UBR3: variants seen among roughly 807,000 people sequenced by gnomAD.
The protein encoded by UBR3 is ubiquitin protein ligase E3 component n-recognin 3.
Under a neutral mutation model 243.2 loss-of-function variants are expected in UBR3, and 85 were observed. The observed-to-expected ratio is 0.35, with a 90% CI of 0.29 to 0.42. UBR3 has a LOEUF of 0.42. UBR3 is among the 10% of genes least tolerant of loss of function. UBR3 has a pLI of 1.00. For synonymous variants in UBR3, 748 were observed against 799.8 expected, an observed-to-expected ratio of 0.94 and a Z score of 1.09; for missense variants, 1,686 against 2,300.8, an observed-to-expected ratio of 0.73 and a Z score of 5.47.
In UBR3 at chr2:170,083,013, A is replaced by C. The variant is rs952726536; in HGVS notation, c.*1170A>C. 1 of 152,642 alleles carries C rather than the reference A, an allele frequency of 6.6e-6. No individual in the cohort carries two copies. The highest frequency in any genetic ancestry group is 1.5e-5 in the Non-Finnish European group (1 of 68,018). The allele number at this position is 152,642 out of a possible 1,614,324, so 9.5% of individuals were successfully genotyped here. On this transcript the variant is annotated 3_prime_UTR_variant, in exon 39 of 39. Coordinates refer to ENST00000272793, the MANE Select transcript of UBR3 (RefSeq NM_172070.4). The stretch of plus-strand genomic sequence containing the variant: ...ATGAGAAGGAAGATTACTGAAAAGC[A>C]TGTGACATATTGCTACAAAGATTTT...
At chr2:169,892,071 G>T (rs146167462) in intron 6 of UBR3, among the ~76,000 whole-genome samples, 2 of 152,284 alleles carry the variant, frequency 1.3e-5, no homozygotes, top group African/African-American at 4.8e-5. Flanking sequence ...ATCTAGGACT[G>T]CCTAGAAAGG....
At chr2:170,031,151 C>T (rs1326395859) in intron 31 of UBR3, among the ~76,000 whole-genome samples, 2 of 152,032 alleles carry the variant, frequency 1.3e-5, no homozygotes, top group Non-Finnish European at 2.9e-5. Flanking sequence ...CTGTTTTGCC[C>T]AGGCTGGACT....
chr2:169,844,650 C>G (rs2082408403), intron 1 of UBR3, among the ~76,000 whole-genome samples: 1 of 151,920 alleles, frequency 6.6e-6, no homozygotes, highest in Non-Finnish European at 1.5e-5. Flanking sequence ...TGCACCACTG[C>G]GCCTAGCTAA....
At chr2:169,995,008 G>A (rs747356559) in intron 26 of UBR3, among the ~76,000 whole-genome samples, 4 of 152,128 alleles carry the variant, frequency 2.6e-5, no homozygotes, top group South Asian at 2.1e-4. Context: ...TCTGAGCTGC[G>A]GGATAGGCTC....
intron 18 of UBR3, among the ~76,000 whole-genome samples, chr2:169,929,690 C>A (rs1022169338): frequency 6.6e-6 from 1 of 152,100 alleles, no homozygotes; most frequent in Non-Finnish European, 1.5e-5. Context: ...AGGTTTCTCC[C>A]GCATAGATTC....
chr2:169,861,036 A>G (rs939233719), intron 1 of UBR3, among the ~76,000 whole-genome samples: 1 of 152,204 alleles, frequency 6.6e-6, no homozygotes, highest in Non-Finnish European at 1.5e-5. Context: ...CACGGGAGAA[A>G]GATGAAGTCT....
At chr2:169,895,043 TG>T in intron 6 of UBR3, 137 bp from the exon 7 acceptor site, 1 of 768,066 alleles carries the variant, frequency 1.3e-6, no homozygotes, top group Non-Finnish European at 1.9e-6. Context: ...AAATCTAGCT[TG>T]TCAATATTAT....
chr2:170,012,857 T>C (rs1206724772), intron 29 of UBR3, among the ~76,000 whole-genome samples: 1 of 152,066 alleles, frequency 6.6e-6, no homozygotes, highest in Non-Finnish European at 1.5e-5. Flanking sequence ...TAGTCTAAAA[T>C]AGAAGTTAGT....
intron 8 of UBR3, among the ~76,000 whole-genome samples, chr2:169,898,158 T>C (rs2084662144): frequency 6.6e-6 from 1 of 152,178 alleles, no homozygotes; most frequent in Admixed American, 6.5e-5. Context: ...ATTAATTAAA[T>C]CTTAGGACCT....
chr2:169,955,867 T>A (rs899331565), intron 23 of UBR3, among the ~76,000 whole-genome samples: 15 of 148,276 alleles, frequency 1.0e-4, no homozygotes, highest in Admixed American at 6.7e-5. Context: ...GGAGTCCTGG[T>A]TGCTTTTAGG....
chr2:170,005,756 G>C (rs1286521514), intron 27 of UBR3, among the ~76,000 whole-genome samples: 1 of 152,098 alleles, frequency 6.6e-6, no homozygotes, highest in East Asian at 1.9e-4. Context: ...GTATAAGATT[G>C]GTTGTATACA....
At chr2:169,869,234 T>G (rs1272180926) in intron 1 of UBR3, among the ~76,000 whole-genome samples, 1 of 144,042 alleles carries the variant, frequency 6.9e-6, no homozygotes, top group Non-Finnish European at 1.5e-5. Context: ...TTTTTTTTTT[T>G]TTTTTGAGAT....
intron 28 of UBR3, 22 bp from the exon 29 acceptor site, chr2:170,008,776 TTATATG>T (rs772601876): frequency 3.3e-5 from 35 of 1,071,112 alleles, no homozygotes; most frequent in South Asian, 2.9e-4. Flanking sequence ...AATATAAACT[TTATATG>T]TATGTTTGCA....
chr2:169,967,257 C>T (rs1339241372), intron 24 of UBR3, among the ~76,000 whole-genome samples: 3 of 66,376 alleles, frequency 4.5e-5, no homozygotes, highest in Admixed American at 3.2e-4. Context: ...ACAGGGTATG[C>T]GCCCCCCGCC....
chr2:170,032,162 A>T (rs1300712629), intron 31 of UBR3, among the ~76,000 whole-genome samples: 1 of 152,204 alleles, frequency 6.6e-6, no homozygotes, highest in Admixed American at 6.5e-5. Context: ...CAACACCCAG[A>T]GACAATGTCA....
rs1217216918 is a variant in UBR3 at position 170,040,895 on chromosome 2, GAAC to G, written c.4575_4577del (p.Gln1526del). ...TTTTTCTTTTAGGCTGGGATATGAAGAACAACAGCCTGAGGTTCCAATTCTTTA... is the reference window on the plus strand; with the variant it reads ...TTTTTCTTTTAGGCTGGGATATGAAGAACAGCCTGAGGTTCCAATTCTTTA... On this transcript the variant is annotated inframe_deletion, in exon 32 of 39. Coordinates refer to ENST00000272793, the MANE Select transcript of UBR3 (RefSeq NM_172070.4). 11 of 1,613,142 alleles carry G rather than the reference GAAC, an allele frequency of 6.8e-6. No individual in the cohort carries two copies. Among genetic ancestry groups the G allele is most frequent in the Non-Finnish European group, 8.5e-6 (10 of 1,179,534 alleles).
intron 5 of UBR3, among the ~76,000 whole-genome samples, chr2:169,881,655 G>C (rs1321728969): frequency 7.3e-6 from 1 of 137,360 alleles, no homozygotes; most frequent in Non-Finnish European, 1.5e-5. Flanking sequence ...TCTCAGGCTA[G>C]AGTGCAGTGA....
At chr2:169,990,272 G>A (rs1239426203) in intron 25 of UBR3, among the ~76,000 whole-genome samples, 1 of 152,118 alleles carries the variant, frequency 6.6e-6, no homozygotes, top group Non-Finnish European at 1.5e-5. Flanking sequence ...TACATGGAAA[G>A]ATATTAATTT....
chr2:169,859,035 T>A (rs1195518551), intron 1 of UBR3, among the ~76,000 whole-genome samples: 1 of 151,322 alleles, frequency 6.6e-6, no homozygotes, highest in African/African-American at 2.4e-5. Context: ...ATTTTCCTCC[T>A]AATCACTGGT....
Sources: allele counts gnomAD v4.1 joint callset (sites outside exome capture counted in the v4.1 genomes callset), GRCh38; gene constraint gnomAD v4.1.1; transcripts MANE v1.5; gene names NCBI Gene and HGNC (gene_info 2026-07-23, HGNC 2026-07-21).